MAGI2: variants seen among roughly 807,000 people sequenced by gnomAD.
MAGI2 encodes the protein membrane associated guanylate kinase, WW and PDZ domain containing 2, also known as membrane-associated guanylate kinase, WW and PDZ domain-containing protein 2.
Under a neutral mutation model 133.3 loss-of-function variants are expected in MAGI2, and 35 were observed. The observed-to-expected ratio is 0.26, with a 90% confidence interval of 0.20 to 0.35. The LOEUF is 0.35. Ranked by LOEUF, MAGI2 falls within the 10% of genes least tolerant of loss-of-function variation. The pLI is 1.00. For missense variants in MAGI2, 1,636 were observed against 1,863.4 expected (o/e 0.88, Z 2.25); for synonymous variants, 729 against 710.6 (o/e 1.03, Z -0.41).
intron 6 of MAGI2, among the ~76,000 whole-genome samples, chr7:78,470,867 T>C (rs1386394737): frequency 1.3e-5 from 2 of 152,152 alleles, no homozygotes; most frequent in African/African-American, 2.4e-5. Context: ...TAAAATACTT[T>C]ACAATAAGGT....
At chr7:79,361,737 A>C (rs989126859) in intron 1 of MAGI2, among the ~76,000 whole-genome samples, 1 of 152,192 alleles carries the variant, frequency 6.6e-6, no homozygotes, top group Non-Finnish European at 1.5e-5. Context: ...ATCATATAGG[A>C]TATATTCTTT....
chr7:78,538,566 G>T (rs1285114527), intron 3 of MAGI2, among the ~76,000 whole-genome samples: 1 of 152,128 alleles, frequency 6.6e-6, no homozygotes, highest in Non-Finnish European at 1.5e-5. Context: ...ATATTCCTAA[G>T]TTGCTATTAT....
At chr7:78,332,749 T>G (rs1434401228) in intron 9 of MAGI2, among the ~76,000 whole-genome samples, 1 of 151,400 alleles carries the variant, frequency 6.6e-6, no homozygotes, top group Non-Finnish European at 1.5e-5. Context: ...TGTTCAGTGC[T>G]GCTCTCACCC....
chr7:78,639,816 G>A (rs1810083505), intron 2 of MAGI2, among the ~76,000 whole-genome samples: 1 of 152,106 alleles, frequency 6.6e-6, no homozygotes, highest in African/African-American at 2.4e-5. Flanking sequence ...AATGTTGAGT[G>A]GCATGGCCTG....
At chr7:78,812,316 T>A (rs1188747804) in intron 2 of MAGI2, among the ~76,000 whole-genome samples, 1 of 152,232 alleles carries the variant, frequency 6.6e-6, no homozygotes, top group African/African-American at 2.4e-5. Context: ...AAAAAAAGAA[T>A]ATGTGGTAGA....
intron 2 of MAGI2, among the ~76,000 whole-genome samples, chr7:78,859,521 A>T: frequency 6.6e-6 from 1 of 152,138 alleles, no homozygotes; most frequent in Non-Finnish European, 1.5e-5. Context: ...CTGGATATGA[A>T]ATTCTGGGTT....
intron 2 of MAGI2, among the ~76,000 whole-genome samples, chr7:78,853,104 CA>C (rs938997324): frequency 6.6e-6 from 1 of 151,874 alleles, no homozygotes; most frequent in Non-Finnish European, 1.5e-5. Context: ...AGATGGAGAT[CA>C]GGGGTCAAGA....
intron 1 of MAGI2, among the ~76,000 whole-genome samples, chr7:79,137,160 G>T (rs971103034): frequency 6.6e-6 from 1 of 152,076 alleles, no homozygotes; most frequent in East Asian, 1.9e-4. Context: ...GGACTTCCCT[G>T]CTAGAAGAAA....
chr7:78,610,664 T>C (rs1584832861), intron 3 of MAGI2, among the ~76,000 whole-genome samples: 1 of 152,204 alleles, frequency 6.6e-6, no homozygotes, highest in Admixed American at 6.5e-5. Context: ...GAGAATATGG[T>C]AGGCAGTATA....
intron 20 of MAGI2, among the ~76,000 whole-genome samples, chr7:78,086,258 G>C (rs1227254299): frequency 1.8e-5 from 2 of 111,930 alleles, no homozygotes; most frequent in South Asian, 3.0e-4. Context: ...TTTTTTTTGA[G>C]ATGGAGTTTC....
intron 1 of MAGI2, among the ~76,000 whole-genome samples, chr7:79,118,516 C>T (rs1819599168): frequency 6.6e-6 from 1 of 152,136 alleles, no homozygotes; most frequent in African/African-American, 2.4e-5. Flanking sequence ...ACTTCCAATA[C>T]ATGGCTACTA....
intron 2 of MAGI2, among the ~76,000 whole-genome samples, chr7:78,834,193 C>G (rs112520256): frequency 6.6e-6 from 1 of 152,132 alleles, no homozygotes; most frequent in African/African-American, 2.4e-5. Context: ...CTTTAAAAAA[C>G]TTGAGATGTA....
intron 2 of MAGI2, among the ~76,000 whole-genome samples, chr7:78,844,619 CG>C (rs1235973858): frequency 2.0e-5 from 3 of 151,668 alleles, no homozygotes; most frequent in Non-Finnish European, 4.4e-5. Flanking sequence ...ATAAAATAGA[CG>C]AGTGGTTTCC....
intron 3 of MAGI2, among the ~76,000 whole-genome samples, chr7:78,581,496 G>A (rs975160742): frequency 6.6e-6 from 1 of 152,302 alleles, no homozygotes; most frequent in East Asian, 1.9e-4. Context: ...AGGGAGGGTA[G>A]AGACAAGAGC....
intron 2 of MAGI2, among the ~76,000 whole-genome samples, chr7:78,652,631 A>C (rs1435311022): frequency 6.6e-6 from 1 of 152,220 alleles, no homozygotes. Flanking sequence ...CTCAAGATCA[A>C]ATTAACTTAA....
chr7:78,365,196 G>C (rs1439755791), intron 7 of MAGI2, among the ~76,000 whole-genome samples: 1 of 151,994 alleles, frequency 6.6e-6, no homozygotes, highest in Non-Finnish European at 1.5e-5. Context: ...TAATGGAGCT[G>C]GTGGCTCAGA....
chr7:78,111,917 T>C (rs3807731), intron 20 of MAGI2, among the ~76,000 whole-genome samples: 3,056 of 152,260 alleles, frequency 0.02, 90 homozygotes, highest in East Asian at 0.13. Context: ...GATAAAACAT[T>C]GGGTGGACGA....
intron 2 of MAGI2, among the ~76,000 whole-genome samples, chr7:78,627,440 C>T (rs1269892706): frequency 1.3e-5 from 2 of 152,160 alleles, no homozygotes; most frequent in African/African-American, 4.8e-5. Flanking sequence ...AAGCACTTTT[C>T]TTCATCAAGC....
At chr7:78,458,825 G>A (rs1282948589) in intron 6 of MAGI2, among the ~76,000 whole-genome samples, 3 of 151,970 alleles carry the variant, frequency 2.0e-5, no homozygotes, top group Admixed American at 6.6e-5. Flanking sequence ...TAGTAGAGAC[G>A]GTGTTTCTCC....
Sources: gnomAD v4.1 joint callset for allele counts (sites outside exome capture counted in the v4.1 genomes callset) on GRCh38, gnomAD v4.1.1 for gene constraint, MANE v1.5 for transcripts, NCBI Gene and HGNC (gene_info 2026-07-23, HGNC 2026-07-21) for gene names.